The following DLGAP2 variants were observed in gnomAD, a reference collection of about 807,000 sequenced individuals.
DLGAP2 encodes DLG associated protein 2.
Under a neutral mutation model 100.3 loss-of-function variants are expected in DLGAP2, and 26 were observed. The ratio of observed to expected loss-of-function variants is 0.26; its 90% CI spans 0.19 to 0.36. The LOEUF (loss-of-function observed/expected upper bound fraction) is 0.36, where lower values mean the gene tolerates loss of function less well. Among genes scored for constraint, DLGAP2 ranks in the 10% least tolerant of loss-of-function variants. The probability of loss-of-function intolerance (pLI) is 1.00; values close to 1 mark genes in which losing one functional copy is unlikely to be tolerated. For missense variants in DLGAP2, 1,858 were observed against 1,453.2 expected (o/e 1.28, Z -4.53); for synonymous variants, 886 against 630.1 (o/e 1.41, Z -6.08).
chr8:1,162,480 A>G (rs772883153), intron 2 of DLGAP2, among the ~76,000 whole-genome samples: 5 of 152,238 alleles, frequency 3.3e-5, no homozygotes, highest in Admixed American at 6.5e-5. Flanking sequence ...CACTGCTAGC[A>G]TCACTAGGAA....
intron 2 of DLGAP2, chr8:1,032,910 T>G (rs1467207042): frequency 6.6e-6 from 1 of 152,242 alleles, no homozygotes; most frequent in Non-Finnish European, 1.5e-5. Context: ...GTATGACAAT[T>G]AAACTATTGT....
intron 2 of DLGAP2, among the ~76,000 whole-genome samples, chr8:1,175,642 A>G (rs751117617): frequency 6.6e-5 from 10 of 152,210 alleles, no homozygotes; most frequent in Non-Finnish European, 1.5e-4. Flanking sequence ...TGGAATAAAT[A>G]CATCCCTTGT....
intron 2 of DLGAP2, among the ~76,000 whole-genome samples, chr8:1,214,694 G>C (rs1283129349): frequency 6.6e-6 from 1 of 152,218 alleles, no homozygotes; most frequent in African/African-American, 2.4e-5. Context: ...CTTTCATTCT[G>C]TGCACTGCAC....
At chr8:1,557,083 G>A (rs958483762) in intron 5 of DLGAP2, among the ~76,000 whole-genome samples, 4 of 152,112 alleles carry the variant, frequency 2.6e-5, no homozygotes, top group Middle Eastern at 3.2e-3. Flanking sequence ...ATGCACTGGG[G>A]GATGTTGAGC....
intron 3 of DLGAP2, among the ~76,000 whole-genome samples, chr8:1,487,673 G>T (rs774958823): frequency 1.3e-5 from 2 of 152,194 alleles, no homozygotes; most frequent in African/African-American, 4.8e-5. Context: ...GGAATCGTCT[G>T]TTCATATGTG....
intron 2 of DLGAP2, among the ~76,000 whole-genome samples, chr8:1,235,561 A>G (rs1261154468): frequency 1.6e-5 from 2 of 125,118 alleles, no homozygotes; most frequent in South Asian, 5.1e-4. Context: ...CGCCATGTCT[A>G]GTTCTCTCAC....
At chr8:1,222,354 C>G (rs770993744) in intron 2 of DLGAP2, among the ~76,000 whole-genome samples, 1 of 152,140 alleles carries the variant, frequency 6.6e-6, no homozygotes, top group African/African-American at 2.4e-5. Flanking sequence ...GGGATAAAGG[C>G]TCAGCTCAGC....
intron 4 of DLGAP2, 67 bp from the exon 5 acceptor site, chr8:1,548,559 T>C: frequency 7.5e-7 from 1 of 1,341,194 alleles, no homozygotes; most frequent in East Asian, 3.0e-5. Context: ...GGGGGTCACA[T>C]ATTCCCCGCA....
At chr8:1,505,383 A>G (rs546201150) in intron 4 of DLGAP2, among the ~76,000 whole-genome samples, 12 of 152,330 alleles carry the variant, frequency 7.9e-5, no homozygotes, top group African/African-American at 1.4e-4. Context: ...CAAAGCATCA[A>G]TCTTTTTTTT....
At chr8:1,650,731 G>A (rs1287352937) in intron 8 of DLGAP2, among the ~76,000 whole-genome samples, 1 of 150,552 alleles carries the variant, frequency 6.6e-6, no homozygotes. Context: ...GACAGTTGCT[G>A]GAGCAGAGGT....
intron 1 of DLGAP2, among the ~76,000 whole-genome samples, chr8:856,759 C>T (rs1010211619): frequency 4.6e-5 from 7 of 152,134 alleles, no homozygotes; most frequent in African/African-American, 1.7e-4. Flanking sequence ...ACCCCATATC[C>T]CTGGACAGGA....
chr8:836,422 T>A (rs1585914994), intron 1 of DLGAP2, among the ~76,000 whole-genome samples: 1 of 152,290 alleles, frequency 6.6e-6, no homozygotes, highest in East Asian at 1.9e-4. Context: ...GATGGGGCGA[T>A]GCTCTGTAGG....
intron 3 of DLGAP2, among the ~76,000 whole-genome samples, chr8:1,371,028 C>T (rs58452981): frequency 0.047 from 7,210 of 152,304 alleles, 561 homozygotes; most frequent in African/African-American, 0.16. Flanking sequence ...TAATACCATT[C>T]GTGTAATATG....
intron 3 of DLGAP2, among the ~76,000 whole-genome samples, chr8:1,455,224 G>A (rs1282680686): frequency 2.6e-5 from 4 of 152,264 alleles, no homozygotes; most frequent in Admixed American, 1.3e-4. Context: ...AGCGCTCCAC[G>A]TGGACGCCCA....
intron 6 of DLGAP2, among the ~76,000 whole-genome samples, chr8:1,593,692 G>C (rs1175950556): frequency 1.5e-5 from 2 of 134,714 alleles, no homozygotes; most frequent in South Asian, 2.5e-4. Context: ...TTTTCCAAGA[G>C]AGCTCCCAGA....
chr8:926,974 A>G, intron 2 of DLGAP2: 1 of 968,518 alleles, frequency 1.0e-6, no homozygotes, highest in Non-Finnish European at 1.2e-6. Context: ...CGTGGGGGGA[A>G]GCCAGGAAAA....
intron 3 of DLGAP2, among the ~76,000 whole-genome samples, chr8:1,485,575 G>A (rs868682450): frequency 1.2e-4 from 19 of 152,248 alleles, no homozygotes; most frequent in African/African-American, 3.9e-4. Context: ...AGATGGCGAC[G>A]CTGGTTTATC....
intron 3 of DLGAP2, among the ~76,000 whole-genome samples, chr8:1,383,643 A>AGTGGCT (rs1218112729): frequency 6.6e-6 from 1 of 152,176 alleles, no homozygotes; most frequent in Non-Finnish European, 1.5e-5. Flanking sequence ...GGTTCCCCTT[A>AGTGGCT]GTGGCTGGGG....
chr8:1,438,982 A>G (rs1193469917), intron 3 of DLGAP2, among the ~76,000 whole-genome samples: 2 of 152,342 alleles, frequency 1.3e-5, no homozygotes, highest in East Asian at 1.9e-4. Flanking sequence ...CCACTTTATA[A>G]TAGCTTCTTA....
Sources: allele counts gnomAD v4.1 joint callset (sites outside exome capture counted in the v4.1 genomes callset), GRCh38; gene constraint gnomAD v4.1.1; transcripts MANE v1.5; gene names NCBI Gene and HGNC (gene_info 2026-07-23, HGNC 2026-07-21).